Variants in RNF44 observed in about 807,000 individuals in gnomAD.
RNF44 encodes the protein ring finger protein 44.
A neutral mutation model predicts 53.6 loss-of-function variants in RNF44; 25 were observed. That is an observed-to-expected ratio of 0.47 (90% CI 0.34 to 0.65). RNF44 has a LOEUF of 0.65. Among genes scored for constraint, RNF44 ranks in the 30% least tolerant of loss-of-function variants. The pLI is 0.01. For synonymous variants in RNF44, 282 were observed against 252.2 expected (o/e 1.12, Z -1.12); for missense variants, 581 against 595.5 (o/e 0.98, Z 0.25).
chr5:176,541,237 C>A (rs1757441003), upstream of RNF44, among the ~76,000 whole-genome samples: 2 of 152,180 alleles, frequency 1.3e-5, no homozygotes, highest in African/African-American at 2.4e-5. Flanking sequence ...TGGGCAAGTC[C>A]TATCCTGATC....
At chr5:176,542,877 G>C (rs1390188866), upstream of RNF44, 1 of 152,278 alleles carries the variant, frequency 6.6e-6, no homozygotes, top group Non-Finnish European at 1.5e-5. Context: ...GGGGCGTCGG[G>C]GAAATGTTTA....
At chr5:176,529,969 C>T (rs1042623437) in intron 7 of RNF44, 113 bp downstream of exon 7, 18 of 1,404,650 alleles carry the variant, frequency 1.3e-5, no homozygotes, top group East Asian at 4.8e-5. Context: ...AAGGGGGGAA[C>T]GCCAGGTGGC....
At chr5:176,534,411 G>A (rs1287029689) in intron 1 of RNF44, among the ~76,000 whole-genome samples, 1 of 152,192 alleles carries the variant, frequency 6.6e-6, no homozygotes, top group African/African-American at 2.4e-5. Flanking sequence ...CCCTGGCCTG[G>A]GCCAAGTGCA....
At chr5:176,532,632 A>G (rs982404623) in intron 1 of RNF44, 116 bp from the exon 2 acceptor site, 17 of 827,826 alleles carry the variant, frequency 2.1e-5, no homozygotes, top group Non-Finnish European at 2.6e-5. Flanking sequence ...AATCCCAGCT[A>G]CTTGGGAGGC....
rs148448080 is a variant in RNF44, at chr5:176,529,363, G to A, written c.1161C>T (p.Phe387=). 118 of 1,613,414 alleles carry A rather than the reference G, an allele frequency of 7.3e-5. No individual in the cohort carries two copies. Among genetic ancestry groups the A allele is most frequent in the African/African-American group, 1.6e-4 (12 of 75,044 alleles). The part of the protein sequence containing the change: ...QTLCVVCFSD[F]EARQLLRVLP... ...GGACTCGGAGCAGCTGCCGCGCCTC[G>A]AAGTCACTGAAGCAGACCACACACC... Residue 387 remains phenylalanine (F), a synonymous_variant, in exon 10 of 11, where the codon TTC becomes TTT. Transcript: ENST00000274811.
chr5:176,535,047 G>C, intron 1 of RNF44, among the ~76,000 whole-genome samples: 1 of 152,346 alleles, frequency 6.6e-6, no homozygotes, highest in Non-Finnish European at 1.5e-5. Flanking sequence ...AGGGAAGGTG[G>C]TAAGGAGCTG....
chr5:176,530,804 C>T (rs568269341), intron 5 of RNF44, 44 bp downstream of exon 5: 2 of 1,465,296 alleles, frequency 1.4e-6, no homozygotes, highest in South Asian at 2.8e-5. Flanking sequence ...ACCCTGCCTC[C>T]CCCCACGCCA....
At chr5:176,533,687 G>C (rs562533088) in intron 1 of RNF44, among the ~76,000 whole-genome samples, 36 of 152,310 alleles carry the variant, frequency 2.4e-4, no homozygotes, top group South Asian at 2.1e-3. Context: ...GAATAGGAAT[G>C]GGTTGGGGCA....
upstream of RNF44, among the ~76,000 whole-genome samples, chr5:176,541,203 G>A (rs1045201082): frequency 6.6e-6 from 1 of 152,106 alleles, no homozygotes; most frequent in African/African-American, 2.4e-5. Context: ...GGGAAATGGG[G>A]GTCCTAGAGT....
In RNF44 at chr5:176,528,925, G is replaced by T. The variant is rs536576652; in HGVS notation, c.*103C>A. ...CAGCTCTGGAAATGCAGGCAGGAGC[G>T]AAGGGGCAGGCCTGGGCCACTCCCT... On this transcript the variant is annotated 3_prime_UTR_variant, in exon 11 of 11. Transcript: ENST00000274811. The T allele has an allele frequency of 9.0e-7, 1 of 1,108,544 alleles. No individual in the cohort carries two copies. Among genetic ancestry groups the T allele is most frequent in the Non-Finnish European group, 1.3e-6 (1 of 771,314 alleles). The allele number at this position is 1,108,544 out of a possible 1,614,324, so 68.7% of individuals were successfully genotyped here.
At chr5:176,536,595 C>A (rs747843443) in intron 1 of RNF44, among the ~76,000 whole-genome samples, 2 of 152,196 alleles carry the variant, frequency 1.3e-5, no homozygotes, top group Non-Finnish European at 2.9e-5. Flanking sequence ...GGCGAGACTG[C>A]AGCGCAGGGG....
intron 2 of RNF44, 39 bp from the exon 3 acceptor site, chr5:176,532,232 G>A: frequency 6.7e-7 from 1 of 1,489,726 alleles, no homozygotes; most frequent in Non-Finnish European, 8.9e-7. Context: ...GACTGAGGGG[G>A]GCCACTCGTG....
In RNF44 at chr5:176,531,361, G is replaced by A. The variant is rs1561847796; in HGVS notation, c.465+102C>T. ...AGGCGCTCTGACAGCCTGGATGGCTGGATAGCTCAGCCCAGTTCAGGGCTG... is the reference window on the plus strand; with the variant it reads ...AGGCGCTCTGACAGCCTGGATGGCTAGATAGCTCAGCCCAGTTCAGGGCTG... On this transcript the variant is annotated intron_variant, in intron 4 of 10. Transcript: ENST00000274811. The surrounding 1 kb of genome is among the most constrained non-coding windows in gnomAD (Gnocchi z 4.2). 2 of 1,182,410 alleles carry A rather than the reference G, an allele frequency of 1.7e-6. No individual in the cohort carries two copies. The highest frequency in any genetic ancestry group is 5.1e-5 in the East Asian group (2 of 38,890). 73.2% of individuals were successfully genotyped at this position (1,182,410 alleles called of 1,614,324 possible). A position where few individuals can be genotyped will look rare whatever the true frequency, so the allele number is the denominator to read the frequency against.
chr5:176,543,071 G>A, the RNF44 span, among the ~76,000 whole-genome samples: 5 of 151,934 alleles, frequency 3.3e-5, no homozygotes, highest in Non-Finnish European at 5.9e-5. The surrounding 1 kb of genome is among the most constrained non-coding windows in gnomAD (Gnocchi z 4.0). Context: ...CCTAGCGGAC[G>A]GGGAGAAGAG....
chr5:176,533,247 G>A (rs535345939), intron 1 of RNF44, among the ~76,000 whole-genome samples: 14 of 152,218 alleles, frequency 9.2e-5, no homozygotes, highest in Non-Finnish European at 1.9e-4. Flanking sequence ...ACTGGTGCCA[G>A]GCAAGAGGTT....
At position 176,532,210 on chromosome 5, in the gene RNF44, A is replaced by G. The variant is rs775969148; in HGVS notation, c.108-17T>C. 2.0e-5 allele frequency: 30 copies of G among 1,494,022 alleles called. No homozygotes were observed. Among genetic ancestry groups the G allele is most frequent in the Non-Finnish European group, 2.6e-5 (29 of 1,122,594 alleles). The allele number at this position is 1,494,022 out of a possible 1,614,324, so 92.5% of individuals were successfully genotyped here. ...AGGCCAGGGCTGCACCACAGAGAGG[A>G]GGCCCCGATAGGACTGAGGGGGGCC... On this transcript the variant is annotated splice_polypyrimidine_tract_variant and intron_variant, in intron 2 of 10. Coordinates refer to ENST00000274811, the MANE Select transcript of RNF44 (RefSeq NM_014901.5).
In RNF44 at chr5:176,528,296, G is replaced by C. The variant is rs1306822438; in HGVS notation, c.*732C>G. ...ACAGAGGGAGAGGAGATTGGGCACG[G>C]GTCTGGCTGCATCCCTGGGAGGGAC... is the stretch of plus-strand genomic sequence containing the variant. On this transcript the variant is annotated 3_prime_UTR_variant, in exon 11 of 11. Coordinates refer to ENST00000274811, the MANE Select transcript of RNF44 (RefSeq NM_014901.5). 5 of 152,280 alleles carry C rather than the reference G, an allele frequency of 3.3e-5. No individual in the cohort carries two copies. Among genetic ancestry groups the C allele is most frequent in the African/African-American group, 1.2e-4 (5 of 41,458 alleles). 9.4% of individuals were successfully genotyped at this position (152,280 alleles called of 1,614,324 possible).
At chr5:176,529,841 GC>G in intron 7 of RNF44, 23 bp from the exon 8 acceptor site, 1 of 1,570,084 alleles carries the variant, frequency 6.4e-7, no homozygotes, top group South Asian at 1.2e-5. Flanking sequence ...AAGTGTGGGG[GC>G]CCAGGGTCAA....
At chr5:176,541,258 C>T (rs1581121681), upstream of RNF44, among the ~76,000 whole-genome samples, 1 of 152,178 alleles carries the variant, frequency 6.6e-6, no homozygotes, top group African/African-American at 2.4e-5. Flanking sequence ...CTCTCCTCAT[C>T]ATGTTCTAAG....
Sources: allele counts gnomAD v4.1 joint callset (sites outside exome capture counted in the v4.1 genomes callset), GRCh38; gene constraint gnomAD v4.1.1; non-coding constraint Gnocchi (gnomAD v3.1); transcripts MANE v1.5; gene names NCBI Gene and HGNC (gene_info 2026-07-23, HGNC 2026-07-21).